The following RNF217 variants were observed in gnomAD, a reference collection of about 807,000 sequenced individuals.
RNF217 encodes ring finger protein 217, also known as E3 ubiquitin-protein ligase RNF217.
RNF217 carries 31 observed loss-of-function variants against 57.8 expected under a neutral mutation model. The observed-to-expected ratio is 0.54, with a 90% CI of 0.40 to 0.72. The LOEUF is 0.72. Ranked by LOEUF, RNF217 falls within the 30% of genes least tolerant of loss-of-function variation. The pLI is 0.00. For missense variants in RNF217, 696 were observed against 708.3 expected, an observed-to-expected ratio of 0.98 and a Z score of 0.20; for synonymous variants, 313 against 294.0, an observed-to-expected ratio of 1.06 and a Z score of -0.66.
chr6:125,040,063 C>A (rs1048558203), intron 1 of RNF217, among the ~76,000 whole-genome samples: 2 of 151,938 alleles, frequency 1.3e-5, no homozygotes, highest in African/African-American at 4.8e-5. Flanking sequence ...AATTCAAAAG[C>A]TAACAGAAGA....
intron 2 of RNF217, among the ~76,000 whole-genome samples, chr6:125,051,406 A>C (rs1046192779): frequency 6.6e-6 from 1 of 151,628 alleles, no homozygotes; most frequent in African/African-American, 2.4e-5. Flanking sequence ...AGATATTCTG[A>C]AAGAAGTGAA....
At chr6:125,007,597 C>G (rs1209608624) in intron 1 of RNF217, among the ~76,000 whole-genome samples, 1 of 152,146 alleles carries the variant, frequency 6.6e-6, no homozygotes, top group African/African-American at 2.4e-5. Context: ...CCCATTTGTT[C>G]TGTTTTCTTC....
rs76344600 is a variant in RNF217, at chr6:125,019,837, G to T, written c.883-25374G>T. On this transcript the variant is annotated intron_variant, in intron 1 of 5. Transcript: ENST00000521654. ...TTGATGTCCCCTTTTTTGCAGTGGG[G>T]GGGGAGTGAAAAAATCCTTTATTAA... 5.4e-5 allele frequency among the ~76,000 whole-genome samples: 8 copies of T among 148,530 alleles called. No homozygotes were observed. In the South Asian group the frequency reaches 6.5e-4, roughly 12 times the overall value.
At chr6:124,976,997 G>A (rs1338063907) in intron 1 of RNF217, among the ~76,000 whole-genome samples, 3 of 151,902 alleles carry the variant, frequency 2.0e-5, no homozygotes, top group Admixed American at 1.3e-4. Context: ...TCGTTTTTTT[G>A]TTTGTTCTCA....
At chr6:125,011,670 G>A (rs967852851) in intron 1 of RNF217, among the ~76,000 whole-genome samples, 1 of 152,152 alleles carries the variant, frequency 6.6e-6, no homozygotes, top group African/African-American at 2.4e-5. Context: ...AGAGCAAGGA[G>A]TGTCAGGTTC....
At position 125,086,648 on chromosome 6, in the gene RNF217, G is replaced by C. The variant is rs984698854; in HGVS notation, c.*3711G>C. ...GGAATAATTTATATATGTGGAGTAA[G>C]AAGAGAGGGGTCAAACCTTTTGGTA... On this transcript the variant is annotated 3_prime_UTR_variant, in exon 6 of 6. Coordinates refer to ENST00000521654, the MANE Select transcript of RNF217 (RefSeq NM_001286398.3). 2.0e-5 allele frequency: 3 copies of C among 152,106 alleles called. No individual in the cohort carries two copies. The highest frequency in any genetic ancestry group is 7.2e-5 in the African/African-American group (3 of 41,442). The allele number at this position is 152,106 out of a possible 1,614,324, so 9.4% of individuals were successfully genotyped here.
intron 1 of RNF217, among the ~76,000 whole-genome samples, chr6:125,031,356 A>C (rs1336333259): frequency 6.6e-6 from 1 of 152,214 alleles, no homozygotes; most frequent in East Asian, 1.9e-4. Context: ...TTTTCTGTAG[A>C]AAATGGGTTT....
chr6:125,037,961 A>G (rs1157142211), intron 1 of RNF217, among the ~76,000 whole-genome samples: 1 of 152,122 alleles, frequency 6.6e-6, no homozygotes, highest in Non-Finnish European at 1.5e-5. Context: ...GAGGCCTGAG[A>G]TTTGTACTTT....
intron 1 of RNF217, among the ~76,000 whole-genome samples, chr6:125,013,351 ATGTGTGTG>A (rs61504994): frequency 6.2e-4 from 87 of 141,278 alleles, no homozygotes; most frequent in African/African-American, 1.4e-3. Flanking sequence ...TGTTTTGTGT[ATGTGTGTG>A]TGTGTGTGTG....
At chr6:125,069,713 C>T (rs1788068418) in intron 3 of RNF217, among the ~76,000 whole-genome samples, 2 of 152,206 alleles carry the variant, frequency 1.3e-5, no homozygotes, top group Admixed American at 1.3e-4. Context: ...TGAGAAATCT[C>T]CAAACTGCTT....
intron 1 of RNF217, among the ~76,000 whole-genome samples, chr6:124,988,691 T>G (rs562132659): frequency 6.6e-6 from 1 of 152,348 alleles, no homozygotes; most frequent in East Asian, 1.9e-4. Context: ...TGTACTGAAT[T>G]TGTGTTTTCT....
At chr6:125,010,294 CTATT>C (rs1785370473) in intron 1 of RNF217, among the ~76,000 whole-genome samples, 1 of 152,020 alleles carries the variant, frequency 6.6e-6, no homozygotes, top group Non-Finnish European at 1.5e-5. Flanking sequence ...ATGTTTTTGT[CTATT>C]TTATTCTCAT....
intron 3 of RNF217, among the ~76,000 whole-genome samples, chr6:125,065,168 G>C (rs1582769474): frequency 6.6e-6 from 1 of 151,526 alleles, no homozygotes; most frequent in African/African-American, 2.4e-5. Context: ...GCAGTCGCTT[G>C]TAGTCCCAGC....
At chr6:125,081,405 T>C (rs760482355) in intron 4 of RNF217, 31 bp from the exon 5 acceptor site, 1 of 1,557,128 alleles carries the variant, frequency 6.4e-7, no homozygotes, top group East Asian at 2.3e-5. Context: ...GTTTTAAGAC[T>C]CCTTAAATAA....
intron 1 of RNF217, among the ~76,000 whole-genome samples, chr6:125,038,526 G>A (rs1786740834): frequency 6.6e-6 from 1 of 152,124 alleles, no homozygotes; most frequent in Non-Finnish European, 1.5e-5. Context: ...GCTCTAAGTT[G>A]ACAATGTAAG....
intron 1 of RNF217, among the ~76,000 whole-genome samples, chr6:125,004,431 G>T (rs970322218): frequency 4.6e-5 from 7 of 152,210 alleles, no homozygotes; most frequent in African/African-American, 1.7e-4. Flanking sequence ...GAATCACATG[G>T]TAAGAGGGAT....
Position 125,081,507 on chromosome 6 carries a change from G to A in RNF217, c.1555G>A (p.Gly519Ser), listed in dbSNP as rs776407828. Residue 519 changes from glycine (G) to serine (S), a missense_variant and splice_region_variant, in exon 5 of 6, where the codon GGT becomes AGT. By Grantham distance (56) the Gly-to-Ser change is moderately conservative (BLOSUM62 0). Coordinates refer to ENST00000521654, the MANE Select transcript of RNF217 (RefSeq NM_001286398.3). ...LALGAIAVVI[G>S]LFVFPIYCLC... ...ACTAGGGGCCATAGCGGTTGTAATC[G>A]GTAAGAAACACTTCATGCATCTGAG... 38 of 1,607,112 alleles carry A rather than the reference G, an allele frequency of 2.4e-5. No homozygotes were observed. The highest frequency in any genetic ancestry group is 2.2e-5 in the East Asian group (1 of 44,744).
Position 125,084,537 on chromosome 6 carries a change from C to A in RNF217, c.*1600C>A, listed in dbSNP as rs938435271. On this transcript the variant is annotated 3_prime_UTR_variant, in exon 6 of 6. Coordinates refer to ENST00000521654, the MANE Select transcript of RNF217 (RefSeq NM_001286398.3). ...ATTTGAAATAGATGATATGATAAAACATGCATTAACATGAGTAGTTTATTT... is the reference window on the plus strand; with the variant it reads ...ATTTGAAATAGATGATATGATAAAAAATGCATTAACATGAGTAGTTTATTT... 2.6e-5 allele frequency: 4 copies of A among 151,924 alleles called. No individual in the cohort carries two copies. Among genetic ancestry groups the A allele is most frequent in the African/African-American group, 9.7e-5 (4 of 41,416 alleles). 9.4% of individuals were successfully genotyped at this position (151,924 alleles called of 1,614,324 possible).
chr6:124,976,230 C>T (rs984778087), intron 1 of RNF217, among the ~76,000 whole-genome samples: 5 of 152,028 alleles, frequency 3.3e-5, no homozygotes, highest in African/African-American at 1.2e-4. Context: ...GTATTACCGG[C>T]GTAGTTTCTT....
Sources: gnomAD v4.1 joint callset for allele counts (sites outside exome capture counted in the v4.1 genomes callset) on GRCh38, gnomAD v4.1.1 for gene constraint, MANE v1.5 for transcripts, NCBI Gene and HGNC (gene_info 2026-07-23, HGNC 2026-07-21) for gene names.